TMPRSS7: variants seen among roughly 807,000 people sequenced by gnomAD.
The protein encoded by TMPRSS7 is transmembrane protease serine 7.
TMPRSS7 carries 81 observed loss-of-function variants against 95.6 expected under a neutral mutation model. The ratio of observed to expected loss-of-function variants is 0.85; its 90% CI spans 0.71 to 1.02. TMPRSS7 has a LOEUF of 1.02. Among genes scored for constraint, TMPRSS7 ranks in the 50% least tolerant of loss-of-function variants. The probability of loss-of-function intolerance (pLI) is 0.00; values close to 1 mark genes in which losing one functional copy is unlikely to be tolerated. For synonymous variants in TMPRSS7, 364 were observed against 337.8 expected (o/e 1.08, Z -0.85); for missense variants, 945 against 955.2 (o/e 0.99, Z 0.14).
rs1278779278 is a variant in TMPRSS7, at chr3:112,075,582, G to A, written c.1955+90G>A. The A allele has an allele frequency of 2.6e-6, 3 of 1,154,406 alleles. No individual in the cohort carries two copies. The African/African-American group carries it at 4.7e-5, about 18-fold the overall frequency. The allele number at this position is 1,154,406 out of a possible 1,614,324, so 71.5% of individuals were successfully genotyped here. Reference sequence around the variant, plus strand: ...AAATTGTGGGAAGCAGATCCCTGTTGGGGACATTCAATCAATTCAATTGCA... The same window carrying A: ...AAATTGTGGGAAGCAGATCCCTGTTAGGGACATTCAATCAATTCAATTGCA... On this transcript the variant is annotated intron_variant, in intron 15 of 17. Coordinates refer to ENST00000452346, the Ensembl canonical transcript of TMPRSS7.
chr3:112,065,208 T>C (rs1309448366), intron 12 of TMPRSS7, among the ~76,000 whole-genome samples: 7 of 151,996 alleles, frequency 4.6e-5, no homozygotes, highest in Non-Finnish European at 1.0e-4. Context: ...TGCCACTAAC[T>C]CTTTTTTGTT....
rs1156538909 is a variant in TMPRSS7, at chr3:112,073,089, CTTTT to C, written c.1667-1190_1667-1187del. On this transcript the variant is annotated intron_variant, in intron 13 of 17. Coordinates refer to ENST00000452346, the Ensembl canonical transcript of TMPRSS7. Reference sequence around the variant, plus strand: ...CTCTCCAGCATCTGTTGTTTCCTGACTTTTTTTTTTTTTTTTTTTTGAGACAGAA... The same window carrying C: ...CTCTCCAGCATCTGTTGTTTCCTGACTTTTTTTTTTTTTTTTGAGACAGAA... Among the ~76,000 whole-genome samples, 377 of 128,454 alleles carry C rather than the reference CTTTT, an allele frequency of 2.9e-3. 1 individual carries two copies. Among genetic ancestry groups the C allele is most frequent in the Middle Eastern group, 0.012 (3 of 254 alleles). The allele number at this position is 128,454 out of a possible 152,430, so 84.3% of individuals were successfully genotyped here. A position where few individuals can be genotyped will look rare whatever the true frequency, so the allele number is the denominator to read the frequency against.
chr3:112,035,757 C>G (rs2073146399), intron 1 of TMPRSS7, among the ~76,000 whole-genome samples: 2 of 152,158 alleles, frequency 1.3e-5, no homozygotes, highest in Admixed American at 6.5e-5. Flanking sequence ...TTCACAGCAT[C>G]AAATAGCAGA....
intron 1 of TMPRSS7, among the ~76,000 whole-genome samples, chr3:112,035,271 G>T (rs2073142838): frequency 6.6e-6 from 1 of 152,192 alleles, no homozygotes; most frequent in Admixed American, 6.5e-5. Flanking sequence ...GGGAGCACTT[G>T]AAAGTAGCTT....
intron 1 of TMPRSS7, 24 bp from the exon 2 acceptor site, chr3:112,038,048 A>T: frequency 1.4e-6 from 1 of 700,958 alleles, no homozygotes; most frequent in Non-Finnish European, 2.6e-6. Context: ...ACTTGGTAAC[A>T]TATCTTATTT....
intron 10 of TMPRSS7, among the ~76,000 whole-genome samples, chr3:112,059,192 A>G (rs1238616458): frequency 6.6e-6 from 1 of 152,232 alleles, no homozygotes; most frequent in Non-Finnish European, 1.5e-5. Context: ...TTAGCAGGAC[A>G]GAACTGCTTT....
chr3:112,048,045 G>A, intron 7 of TMPRSS7, 78 bp downstream of exon 7: 1 of 1,426,276 alleles, frequency 7.0e-7, no homozygotes, highest in South Asian at 1.3e-5. Flanking sequence ...GTTCCCCCTG[G>A]ATTTTTTTTT....
At chr3:112,064,130 A>G (rs1278032374) in intron 12 of TMPRSS7, among the ~76,000 whole-genome samples, 2 of 152,322 alleles carry the variant, frequency 1.3e-5, no homozygotes, top group South Asian at 2.1e-4. Flanking sequence ...CTATGGTAAC[A>G]CTGGGGTGCA....
chr3:112,062,761 A>G (rs1356307879), intron 11 of TMPRSS7, among the ~76,000 whole-genome samples: 1 of 152,164 alleles, frequency 6.6e-6, no homozygotes, highest in Non-Finnish European at 1.5e-5. Flanking sequence ...CATCCATTCC[A>G]TCATGTGCCA....
chr3:112,063,359 T>C (rs1322717360), intron 11 of TMPRSS7, among the ~76,000 whole-genome samples, 166 bp from the exon 12 acceptor site: 2 of 152,262 alleles, frequency 1.3e-5, no homozygotes, highest in African/African-American at 4.8e-5. Flanking sequence ...TCCGCTTTTT[T>C]GTCTTTCAAT....
intron 14 of TMPRSS7, 40 bp from the exon 15 acceptor site, chr3:112,075,281 C>G (rs1241695949): frequency 1.5e-6 from 2 of 1,362,074 alleles, no homozygotes; most frequent in Admixed American, 3.0e-5. Flanking sequence ...GTTTTTCTTC[C>G]AAGTCTACCT....
chr3:112,074,249 T>C (rs748912100), intron 13 of TMPRSS7, 47 bp from the exon 14 acceptor site: 2 of 1,370,028 alleles, frequency 1.5e-6, no homozygotes, highest in African/African-American at 1.4e-5. Flanking sequence ...TTCACTCAAG[T>C]TTGTTTCTGG....
chr3:112,075,270 A>T, intron 14 of TMPRSS7, 51 bp from the exon 15 acceptor site: 1 of 1,359,858 alleles, frequency 7.4e-7, no homozygotes, highest in African/African-American at 1.5e-5. Context: ...CTTAACTTCT[A>T]GTTTTTCTTC....
intron 3 of TMPRSS7, among the ~76,000 whole-genome samples, chr3:112,042,759 G>C (rs992153042): frequency 2.0e-5 from 3 of 152,164 alleles, no homozygotes; most frequent in Non-Finnish European, 4.4e-5. Context: ...TTTTGCTATA[G>C]ATAATGTGAC....
At chr3:112,080,592 T>C (rs200331585) in intron 17 of TMPRSS7, among the ~76,000 whole-genome samples, 3 of 124,124 alleles carry the variant, frequency 2.4e-5, no homozygotes, top group Non-Finnish European at 5.3e-5. Flanking sequence ...ACCACCACCA[T>C]CACCACTAGT....
At chr3:112,042,386 T>G (rs537673932) in intron 3 of TMPRSS7, among the ~76,000 whole-genome samples, 1 of 152,330 alleles carries the variant, frequency 6.6e-6, no homozygotes, top group Non-Finnish European at 1.5e-5. Context: ...ATTCCATTAT[T>G]GTACACATTT....
intron 9 of TMPRSS7, among the ~76,000 whole-genome samples, chr3:112,054,693 A>G (rs986528950): frequency 1.6e-5 from 2 of 127,524 alleles, no homozygotes; most frequent in Non-Finnish European, 3.3e-5. Context: ...TAAGATTTAC[A>G]TTAGTTACTT....
intron 13 of TMPRSS7, among the ~76,000 whole-genome samples, chr3:112,071,621 ATT>A (rs2073647423): frequency 6.6e-6 from 1 of 152,124 alleles, no homozygotes. Context: ...ATAGTCGCAT[ATT>A]TCTTGGAGAC....
intron 1 of TMPRSS7, among the ~76,000 whole-genome samples, chr3:112,036,455 C>A (rs2107734012): frequency 6.6e-6 from 1 of 152,010 alleles, no homozygotes; most frequent in Admixed American, 6.6e-5. Context: ...GTAATCCCAG[C>A]TACTTGGGAT....
Sources: gnomAD v4.1 joint callset for allele counts (sites outside exome capture counted in the v4.1 genomes callset) on GRCh38, gnomAD v4.1.1 for gene constraint, MANE v1.5 for transcripts, NCBI Gene and HGNC (gene_info 2026-07-23, HGNC 2026-07-21) for gene names.